The following DPP10 variants were observed in gnomAD, a reference collection of about 807,000 sequenced individuals.
DPP10 encodes dipeptidyl peptidase like 10.
A neutral mutation model predicts 120.9 loss-of-function variants in DPP10; 33 were observed. That is an observed-to-expected ratio of 0.27 (90% CI 0.21 to 0.37). The LOEUF is 0.37. Ranked by LOEUF, DPP10 falls within the 10% of genes least tolerant of loss-of-function variation. The probability of loss-of-function intolerance (pLI) is 1.00; values close to 1 mark genes in which losing one functional copy is unlikely to be tolerated. For synonymous variants in DPP10, 337 were observed against 326.1 expected (o/e 1.03, Z -0.36); for missense variants, 816 against 942.8 (o/e 0.87, Z 1.76).
At chr2:115,388,954 A>C (rs2106529798) in intron 3 of DPP10, among the ~76,000 whole-genome samples, 1 of 152,282 alleles carries the variant, frequency 6.6e-6, no homozygotes, top group South Asian at 2.1e-4. Flanking sequence ...GCTTGGTTCA[A>C]GAGCTGCCTG....
intron 15 of DPP10, among the ~76,000 whole-genome samples, chr2:115,778,786 T>C (rs1682418714): frequency 6.6e-6 from 1 of 152,250 alleles, no homozygotes. Context: ...AGAAGCAACC[T>C]TGTCCTTTTA....
chr2:115,333,792 C>T (rs146563359), intron 2 of DPP10, among the ~76,000 whole-genome samples: 2,392 of 152,126 alleles, frequency 0.016, 59 homozygotes, highest in African/African-American at 0.054. Flanking sequence ...CCGAGAGATC[C>T]GCTGTTAGTC....
chr2:115,691,999 A>G (rs1298983506), intron 7 of DPP10, among the ~76,000 whole-genome samples: 1 of 152,100 alleles, frequency 6.6e-6, no homozygotes, highest in Non-Finnish European at 1.5e-5. Flanking sequence ...GCACAATTAT[A>G]TATTCCAAAT....
intron 3 of DPP10, among the ~76,000 whole-genome samples, chr2:115,498,140 G>A (rs1451333703): frequency 3.3e-5 from 5 of 151,876 alleles, no homozygotes; most frequent in South Asian, 2.1e-4. Flanking sequence ...TGTTTCCCAG[G>A]CCACAGTTCC....
At chr2:114,530,347 T>A (rs561671414) in intron 1 of DPP10, among the ~76,000 whole-genome samples, 197 of 152,222 alleles carry the variant, frequency 1.3e-3, no homozygotes, top group Middle Eastern at 3.4e-3. Flanking sequence ...TATCTCTAGC[T>A]AAGGCCAACC....
chr2:115,083,829 T>C (rs999560833), intron 1 of DPP10, among the ~76,000 whole-genome samples: 1 of 152,204 alleles, frequency 6.6e-6, no homozygotes, highest in African/African-American at 2.4e-5. Flanking sequence ...TGCTATTGGA[T>C]AGGAGATAGC....
At chr2:115,190,287 A>G (rs370135878) in intron 1 of DPP10, among the ~76,000 whole-genome samples, 2 of 152,164 alleles carry the variant, frequency 1.3e-5, no homozygotes, top group African/African-American at 2.4e-5. Flanking sequence ...TGGAACTCCA[A>G]TAGCATCTAT....
At chr2:114,517,490 A>G (rs1334482256) in intron 1 of DPP10, among the ~76,000 whole-genome samples, 1 of 150,672 alleles carries the variant, frequency 6.6e-6, no homozygotes, top group Non-Finnish European at 1.5e-5. Context: ...ACTGCACTCC[A>G]GCCTGGGTGA....
rs148127452 is a variant in DPP10 at position 115,195,760 on chromosome 2, G to T, written c.61-113479G>T. Among the ~76,000 whole-genome samples, 5 of 152,102 alleles carry T rather than the reference G, an allele frequency of 3.3e-5. No individual in the cohort carries two copies. The South Asian group carries it at 8.3e-4, about 25-fold the overall frequency. ...CCTCTGCCTTGGTTTTGCTTTATGC[G>T]CTTCCTTCCCTCAATGGCCATGGCA... On this transcript the variant is annotated intron_variant, in intron 1 of 25. Transcript: ENST00000410059.
At chr2:114,497,344 C>CGTGT (rs1340612077) in intron 1 of DPP10, among the ~76,000 whole-genome samples, 261 of 23,726 alleles carry the variant, frequency 0.011, 1 homozygote, top group East Asian at 0.043. Context: ...TGTACATATA[C>CGTGT]ATACACATGT....
At position 114,677,678 on chromosome 2, in the gene DPP10, C is replaced by T. The variant is rs544179898; in HGVS notation, c.60+234840C>T. ...ATGGAGGCAATGTTTGCCTTTTCAG[C>T]GAATCAATATAGTTAAAGGAATATA... On this transcript the variant is annotated intron_variant, in intron 1 of 25. Coordinates refer to ENST00000410059, the MANE Select transcript of DPP10 (RefSeq NM_020868.6). Among the ~76,000 whole-genome samples the T allele has an allele frequency of 8.5e-5, 13 of 152,124 alleles. No homozygotes were observed. The South Asian group carries it at 2.3e-3, about 27-fold the overall frequency.
At chr2:115,746,952 A>G (rs1295717628) in intron 10 of DPP10, among the ~76,000 whole-genome samples, 2 of 152,212 alleles carry the variant, frequency 1.3e-5, no homozygotes, top group African/African-American at 4.8e-5. Flanking sequence ...ATCGATAATC[A>G]GGGTGATTGG....
At chr2:114,668,166 G>A (rs951203269) in intron 1 of DPP10, among the ~76,000 whole-genome samples, 2 of 152,092 alleles carry the variant, frequency 1.3e-5, no homozygotes, top group Admixed American at 6.6e-5. Context: ...TTCATAATCT[G>A]CCATCTACAA....
At chr2:114,685,736 G>A (rs1699320726) in intron 1 of DPP10, among the ~76,000 whole-genome samples, 1 of 151,840 alleles carries the variant, frequency 6.6e-6, no homozygotes, top group Admixed American at 6.6e-5. Flanking sequence ...CAGTGATTGT[G>A]CTCCTGGTAA....
chr2:115,582,237 T>G (rs7576583), intron 5 of DPP10, among the ~76,000 whole-genome samples: 23,101 of 151,470 alleles, frequency 0.15, 2,839 homozygotes, highest in African/African-American at 0.34. Flanking sequence ...GTGTCGGAGG[T>G]GCTGCATGCT....
intron 1 of DPP10, among the ~76,000 whole-genome samples, chr2:114,855,675 C>T (rs1046483165): frequency 1.3e-5 from 2 of 152,128 alleles, no homozygotes; most frequent in African/African-American, 4.8e-5. Flanking sequence ...AGTAGAGACC[C>T]TACCACCAGC....
At chr2:115,035,764 G>A (rs970457680) in intron 1 of DPP10, among the ~76,000 whole-genome samples, 2 of 152,052 alleles carry the variant, frequency 1.3e-5, no homozygotes, top group African/African-American at 2.4e-5. Context: ...GTTGTCATGG[G>A]ATTTATACCA....
intron 4 of DPP10, among the ~76,000 whole-genome samples, chr2:115,501,667 G>A (rs1340053447): frequency 6.6e-6 from 1 of 152,014 alleles, no homozygotes. Context: ...GCAGGGGTTA[G>A]GGGAGTGGAA....
intron 1 of DPP10, among the ~76,000 whole-genome samples, chr2:115,239,978 A>C (rs575629122): frequency 1.1e-4 from 16 of 152,326 alleles, no homozygotes; most frequent in Admixed American, 5.2e-4. Flanking sequence ...AATATGTGCC[A>C]CAGTTTCTTT....
Sources: allele counts gnomAD v4.1 joint callset (sites outside exome capture counted in the v4.1 genomes callset), GRCh38; gene constraint gnomAD v4.1.1; transcripts MANE v1.5; gene names NCBI Gene and HGNC (gene_info 2026-07-23, HGNC 2026-07-21).